ARHGAP24: variants seen among roughly 807,000 people sequenced by gnomAD.
ARHGAP24 encodes Rho GTPase activating protein 24, also known as rho GTPase-activating protein 24.
In ARHGAP24, 50 loss-of-function variants were observed where a neutral mutation model predicts 76.4. The observed-to-expected ratio is 0.65, with a 90% CI of 0.52 to 0.83. The LOEUF (loss-of-function observed/expected upper bound fraction) is 0.83, where lower values mean the gene tolerates loss of function less well. Among genes scored for constraint, ARHGAP24 ranks in the 40% least tolerant of loss-of-function variants. The probability of loss-of-function intolerance (pLI) is 0.00; values close to 1 mark genes in which losing one functional copy is unlikely to be tolerated. For missense variants in ARHGAP24, 930 were observed against 914.2 expected (o/e 1.02, Z -0.22); for synonymous variants, 345 against 323.3 (o/e 1.07, Z -0.72).
chr4:85,988,365 A>C (rs28791918), intron 8 of ARHGAP24, among the ~76,000 whole-genome samples: 2,003 of 151,978 alleles, frequency 0.013, 41 homozygotes, highest in African/African-American at 0.045. Flanking sequence ...CATGGCATAC[A>C]TAATACATAC....
chr4:85,720,643 G>C (rs1285413544), intron 2 of ARHGAP24, among the ~76,000 whole-genome samples: 1 of 152,136 alleles, frequency 6.6e-6, no homozygotes, highest in Non-Finnish European at 1.5e-5. Flanking sequence ...GAAATCATAG[G>C]CCTGGATGAG....
intron 3 of ARHGAP24, among the ~76,000 whole-genome samples, chr4:85,900,181 G>T (rs1248066722): frequency 6.6e-6 from 1 of 151,986 alleles, no homozygotes; most frequent in Admixed American, 6.5e-5. Flanking sequence ...CTATATATTT[G>T]CATATTCTTA....
intron 9 of ARHGAP24, among the ~76,000 whole-genome samples, chr4:85,996,351 A>G (rs1249661666): frequency 6.6e-6 from 1 of 152,222 alleles, no homozygotes; most frequent in Non-Finnish European, 1.5e-5. Context: ...ATGATTTATA[A>G]AGAAGCAATT....
chr4:85,848,253 A>G (rs1295406046), intron 3 of ARHGAP24, among the ~76,000 whole-genome samples: 2 of 152,208 alleles, frequency 1.3e-5, no homozygotes, highest in African/African-American at 4.8e-5. Context: ...TTACATATAT[A>G]TACATGTGCC....
In ARHGAP24 at chr4:85,747,001, C is replaced by T. The variant is rs541038643; in HGVS notation, c.268+25029C>T. On this transcript the variant is annotated intron_variant, in intron 3 of 9. Transcript: ENST00000395184. ...ACCATTAATACAGGACTTCAGGGATCTTATTTGTATATAACTAAACCATGG... is the reference window on the plus strand; with the variant it reads ...ACCATTAATACAGGACTTCAGGGATTTTATTTGTATATAACTAAACCATGG... Among the ~76,000 whole-genome samples the T allele has an allele frequency of 3.3e-5, 5 of 152,212 alleles. No homozygotes were observed. In the East Asian group the frequency reaches 9.7e-4, roughly 29 times the overall value.
chr4:85,759,867 C>A (rs1329286809), intron 3 of ARHGAP24, among the ~76,000 whole-genome samples: 2 of 152,128 alleles, frequency 1.3e-5, no homozygotes, highest in South Asian at 2.1e-4. Context: ...GTTGCAACCA[C>A]TTAGGATGTG....
At chr4:85,804,251 C>T (rs905730022) in intron 3 of ARHGAP24, among the ~76,000 whole-genome samples, 1 of 152,174 alleles carries the variant, frequency 6.6e-6, no homozygotes, top group Non-Finnish European at 1.5e-5. Context: ...CTTGGACCAA[C>T]TAGAGGTCTA....
intron 6 of ARHGAP24, 157 bp downstream of exon 6, chr4:85,972,325 T>C: frequency 1.1e-6 from 1 of 898,018 alleles, no homozygotes. Flanking sequence ...CGTATACAGC[T>C]CAAGCACCAT....
chr4:85,574,792 A>G (rs6821858), intron 2 of ARHGAP24, among the ~76,000 whole-genome samples: 104,721 of 152,102 alleles, frequency 0.69, 38,961 homozygotes, highest in Non-Finnish European at 0.85. Context: ...ATGAGAACAC[A>G]CTATATCTGA....
chr4:85,704,492 A>T (rs1327430256), intron 2 of ARHGAP24, among the ~76,000 whole-genome samples: 2 of 152,180 alleles, frequency 1.3e-5, no homozygotes, highest in Non-Finnish European at 2.9e-5. Context: ...TGGTAGTGAT[A>T]GGAGAAGTTG....
At chr4:85,514,817 TAAAAAAAAAA>T (rs773699457) in intron 1 of ARHGAP24, among the ~76,000 whole-genome samples, 3 of 82,494 alleles carry the variant, frequency 3.6e-5, no homozygotes, top group African/African-American at 4.6e-5. Flanking sequence ...CTCTAAATTG[TAAAAAAAAAA>T]AAAAAAAAAA....
At chr4:85,497,606 G>A (rs183144196) in intron 1 of ARHGAP24, among the ~76,000 whole-genome samples, 235 of 152,242 alleles carry the variant, frequency 1.5e-3, no homozygotes, top group Non-Finnish European at 2.0e-3. Context: ...TGGATCTCCT[G>A]AGGTCTGGAG....
At chr4:85,918,810 A>G (rs1435154352) in intron 3 of ARHGAP24, among the ~76,000 whole-genome samples, 1 of 152,204 alleles carries the variant, frequency 6.6e-6, no homozygotes, top group Admixed American at 6.5e-5. Flanking sequence ...GATGTGGCCA[A>G]CTTAGTTAAC....
At chr4:85,941,021 G>A (rs534857730) in intron 4 of ARHGAP24, among the ~76,000 whole-genome samples, 1 of 152,208 alleles carries the variant, frequency 6.6e-6, no homozygotes, top group South Asian at 2.1e-4. Context: ...CACACATTCT[G>A]AAGTCTTACC....
At chr4:85,763,638 A>G (rs1195676232) in intron 3 of ARHGAP24, among the ~76,000 whole-genome samples, 1 of 152,086 alleles carries the variant, frequency 6.6e-6, no homozygotes, top group Non-Finnish European at 1.5e-5. Flanking sequence ...TTATTCATTT[A>G]TTTCTTTATT....
At chr4:85,489,077 A>G (rs529057225) in intron 1 of ARHGAP24, among the ~76,000 whole-genome samples, 1 of 152,326 alleles carries the variant, frequency 6.6e-6, no homozygotes, top group South Asian at 2.1e-4. Flanking sequence ...GTAGATTTTC[A>G]ATTAATTCAG....
At chr4:85,764,024 A>C (rs1726833808) in intron 3 of ARHGAP24, among the ~76,000 whole-genome samples, 2 of 152,126 alleles carry the variant, frequency 1.3e-5, no homozygotes, top group African/African-American at 2.4e-5. Context: ...CATCTCTCCC[A>C]AAAAATGTAA....
Position 85,942,094 on chromosome 4 carries a change from T to C in ARHGAP24, c.420T>C (p.Thr140=). ...TTTTTGGACAGAAACTGGAGGATAC[T>C]GTTCGTTATGAGAAGAGATATGGGA... ...GGIFGQKLED[T]VRYEKRYGNR... The change falls in exon 5 of 10, where the codon ACT becomes ACC. Residue 140 remains threonine (T), a synonymous_variant. Coordinates refer to ENST00000395184, the MANE Select transcript of ARHGAP24 (RefSeq NM_001025616.3). 6.2e-7 allele frequency: 1 copy of C among 1,613,914 alleles called. No individual in the cohort carries two copies. Among genetic ancestry groups the C allele is most frequent in the South Asian group, 1.1e-5 (1 of 91,076 alleles).
At chr4:85,994,025 CAA>C (rs377679356) in intron 8 of ARHGAP24, among the ~76,000 whole-genome samples, 29 of 152,232 alleles carry the variant, frequency 1.9e-4, no homozygotes, top group Middle Eastern at 6.8e-3. Context: ...GAATGGTGAA[CAA>C]AAGTCTTATG....
Sources: gnomAD v4.1 joint callset for allele counts (sites outside exome capture counted in the v4.1 genomes callset) on GRCh38, gnomAD v4.1.1 for gene constraint, MANE v1.5 for transcripts, NCBI Gene and HGNC (gene_info 2026-07-23, HGNC 2026-07-21) for gene names.